The following EYS variants were observed in gnomAD, a reference collection of about 807,000 sequenced individuals.
EYS encodes the protein EGF-like photoreceptor maintenance factor, also known as protein eyes shut homolog.
In EYS, 250 loss-of-function variants were observed where a neutral mutation model predicts 282.1. The ratio of observed to expected loss-of-function variants is 0.89; its 90% confidence interval spans 0.80 to 0.98. The LOEUF (loss-of-function observed/expected upper bound fraction) is 0.98. EYS is among the 50% of genes least tolerant of loss of function. EYS has a pLI of 0.00. For missense variants in EYS, 4,016 were observed against 3,709.0 expected (o/e 1.08, Z -2.15); for synonymous variants, 1,355 against 1,282.9 (o/e 1.06, Z -1.20).
intron 31 of EYS, among the ~76,000 whole-genome samples, chr6:64,156,650 G>A (rs754659290): frequency 1.3e-5 from 2 of 152,156 alleles, no homozygotes; most frequent in Non-Finnish European, 2.9e-5. Flanking sequence ...TCCAGGCTGA[G>A]GTGGTCTTAG....
At chr6:64,170,072 G>T (rs1313486358) in intron 31 of EYS, among the ~76,000 whole-genome samples, 2 of 152,162 alleles carry the variant, frequency 1.3e-5, no homozygotes, top group Non-Finnish European at 2.9e-5. Flanking sequence ...TTAGTGGGCT[G>T]CAATGCGAAC....
chr6:64,849,076 A>G (rs190763699), intron 19 of EYS, among the ~76,000 whole-genome samples: 120 of 152,112 alleles, frequency 7.9e-4, no homozygotes, highest in Non-Finnish European at 1.3e-3. Context: ...ATCAAAAAAC[A>G]ATGGTTATTC....
At chr6:64,484,334 C>T (rs938334636) in intron 26 of EYS, among the ~76,000 whole-genome samples, 4 of 151,432 alleles carry the variant, frequency 2.6e-5, no homozygotes, top group African/African-American at 9.7e-5. Flanking sequence ...TCTGCAGAGA[C>T]TGCACCTCAG....
chr6:63,830,016 G>A (rs763001978), intron 36 of EYS, among the ~76,000 whole-genome samples: 1 of 152,186 alleles, frequency 6.6e-6, no homozygotes, highest in Non-Finnish European at 1.5e-5. Flanking sequence ...CTGTTAGAAG[G>A]AAAACTAACA....
At chr6:64,724,524 C>T (rs1294999716) in intron 22 of EYS, among the ~76,000 whole-genome samples, 1 of 152,170 alleles carries the variant, frequency 6.6e-6, no homozygotes, top group African/African-American at 2.4e-5. Context: ...CCATGTGCTG[C>T]TCAAACATCA....
chr6:64,506,060 A>T (rs1223856207), intron 26 of EYS, among the ~76,000 whole-genome samples: 2 of 152,172 alleles, frequency 1.3e-5, no homozygotes, highest in African/African-American at 4.8e-5. Context: ...TCTCCTGAAA[A>T]TCTTACTTCC....
intron 2 of EYS, among the ~76,000 whole-genome samples, chr6:65,534,300 C>CA (rs1369002946): frequency 6.6e-6 from 1 of 152,016 alleles, no homozygotes; most frequent in Non-Finnish European, 1.5e-5. Context: ...GATAATACAA[C>CA]AAAAAGGTCA....
At chr6:65,691,151 C>T (rs566408139) in intron 1 of EYS, among the ~76,000 whole-genome samples, 3 of 150,234 alleles carry the variant, frequency 2.0e-5, no homozygotes, top group Non-Finnish European at 4.4e-5. Context: ...CTTGAGAAAT[C>T]GCCATTCTGC....
At chr6:64,926,073 C>G (rs145642370) in intron 15 of EYS, among the ~76,000 whole-genome samples, 81 of 152,274 alleles carry the variant, frequency 5.3e-4, no homozygotes, top group Non-Finnish European at 9.9e-4. Context: ...TATAGTCTGA[C>G]TCTGGCAGAA....
intron 31 of EYS, among the ~76,000 whole-genome samples, chr6:64,133,232 T>C (rs952430120): frequency 9.9e-5 from 15 of 152,088 alleles, no homozygotes; most frequent in Non-Finnish European, 2.1e-4. Context: ...ATATTAAAAA[T>C]GCAATCAAGC....
chr6:64,445,722 ACTCCGTTTC>A (rs1775098080), intron 26 of EYS, among the ~76,000 whole-genome samples: 2 of 152,154 alleles, frequency 1.3e-5, no homozygotes, highest in African/African-American at 4.8e-5. Context: ...ATGGCTAGTC[ACTCCGTTTC>A]CAAAACTGTT....
intron 5 of EYS, among the ~76,000 whole-genome samples, chr6:65,441,937 A>G (rs1479146008): frequency 6.6e-6 from 1 of 152,046 alleles, no homozygotes; most frequent in African/African-American, 2.4e-5. Flanking sequence ...TGCTTGCTTG[A>G]AAAACTAAAT....
intron 26 of EYS, among the ~76,000 whole-genome samples, chr6:64,497,470 G>T (rs945808282): frequency 6.6e-6 from 1 of 152,114 alleles, no homozygotes; most frequent in African/African-American, 2.4e-5. Context: ...GAAGCAGATG[G>T]GCACAGTGTG....
At chr6:65,101,009 G>C (rs1420337485) in intron 12 of EYS, among the ~76,000 whole-genome samples, 2 of 151,082 alleles carry the variant, frequency 1.3e-5, no homozygotes, top group Non-Finnish European at 1.5e-5. Flanking sequence ...ATTCACACTT[G>C]AGTAATAAAT....
At chr6:65,035,637 T>C (rs570040821) in intron 13 of EYS, among the ~76,000 whole-genome samples, 68 of 151,952 alleles carry the variant, frequency 4.5e-4, no homozygotes, top group Middle Eastern at 6.8e-3. Context: ...TGTTAAAAAT[T>C]TCTACAATGA....
rs114449570 is a variant in EYS at position 64,576,229 on chromosome 6, G to A, written c.5644+13994C>T. Among the ~76,000 whole-genome samples, 393 of 152,104 alleles carry A rather than the reference G, an allele frequency of 2.6e-3. 4 individuals carry two copies. Among genetic ancestry groups the A allele is most frequent in the African/African-American group, 8.6e-3 (357 of 41,510 alleles). The stretch of plus-strand genomic sequence containing the variant: ...AGTGATCTGAGAACAGTGAGAGTTC[G>A]CCAAAATCATGTAAGCAACATTGTG... On this transcript the variant is annotated intron_variant, in intron 26 of 42. Coordinates refer to ENST00000503581, the MANE Select transcript of EYS (RefSeq NM_001142800.2).
At chr6:64,993,445 G>A (rs953002115) in intron 14 of EYS, among the ~76,000 whole-genome samples, 68 of 151,506 alleles carry the variant, frequency 4.5e-4, no homozygotes, top group Middle Eastern at 3.4e-3. Context: ...GATGAAGCTC[G>A]AAACCATCAT....
chr6:64,504,104 C>T (rs957123763), intron 26 of EYS, among the ~76,000 whole-genome samples: 3 of 152,130 alleles, frequency 2.0e-5, no homozygotes, highest in African/African-American at 4.8e-5. Context: ...AAGTAGTTCC[C>T]TATAACAGTG....
intron 22 of EYS, among the ~76,000 whole-genome samples, chr6:64,779,734 G>T (rs532561796): frequency 6.6e-6 from 1 of 152,096 alleles, no homozygotes; most frequent in Non-Finnish European, 1.5e-5. Flanking sequence ...TGGAAGGAGG[G>T]ATATGTTTAT....
Sources: gnomAD v4.1 joint callset for allele counts (sites outside exome capture counted in the v4.1 genomes callset) on GRCh38, gnomAD v4.1.1 for gene constraint, MANE v1.5 for transcripts, NCBI Gene and HGNC (gene_info 2026-07-23, HGNC 2026-07-21) for gene names.